NAALADL2: variants seen among roughly 807,000 people sequenced by gnomAD.
The protein encoded by NAALADL2 is inactive N-acetylated-alpha-linked acidic dipeptidase-like protein 2.
A neutral mutation model predicts 87.2 loss-of-function variants in NAALADL2; 76 were observed. The observed-to-expected ratio is 0.87, with a 90% confidence interval of 0.72 to 1.05. NAALADL2 has a LOEUF of 1.05. NAALADL2 is among the 50% of genes least tolerant of loss of function. The probability of loss-of-function intolerance (pLI) is 0.00; values close to 1 mark genes in which losing one functional copy is unlikely to be tolerated. For synonymous variants in NAALADL2, 354 were observed against 331.0 expected, an observed-to-expected ratio of 1.07 and a Z score of -0.75; for missense variants, 1,089 against 945.8, an observed-to-expected ratio of 1.15 and a Z score of -1.99.
chr3:174,901,232 T>G (rs1732261766), intron 1 of NAALADL2, among the ~76,000 whole-genome samples: 1 of 152,192 alleles, frequency 6.6e-6, no homozygotes, highest in African/African-American at 2.4e-5. Context: ...TTTTAACATG[T>G]ATCAAGGAAT....
At chr3:175,164,868 A>T (rs1733761626) in intron 2 of NAALADL2, among the ~76,000 whole-genome samples, 1 of 152,174 alleles carries the variant, frequency 6.6e-6, no homozygotes, top group Non-Finnish European at 1.5e-5. Context: ...TTACTCCCTG[A>T]ACTACAATCA....
At chr3:175,160,360 C>CTTTTTTTTTTTTTTTTTTTTT (rs71164618) in intron 2 of NAALADL2, among the ~76,000 whole-genome samples, 3 of 57,034 alleles carry the variant, frequency 5.3e-5, no homozygotes, top group African/African-American at 5.4e-5. Context: ...TCTTTTCTTT[C>CTTTTTTTTTTTTTTTTTTTTT]TTTTTTTTTT....
chr3:175,286,358 A>C (rs1194948401), intron 4 of NAALADL2, among the ~76,000 whole-genome samples: 1 of 152,166 alleles, frequency 6.6e-6, no homozygotes, highest in Non-Finnish European at 1.5e-5. Context: ...ATGGGCCACG[A>C]TGGGCAGAAA....
At chr3:175,336,523 A>G (rs1324563697) in intron 5 of NAALADL2, among the ~76,000 whole-genome samples, 1 of 152,202 alleles carries the variant, frequency 6.6e-6, no homozygotes, top group African/African-American at 2.4e-5. Flanking sequence ...TAAGATGTGT[A>G]AAAAGTAATA....
intron 1 of NAALADL2, among the ~76,000 whole-genome samples, chr3:174,513,252 C>G (rs562248775): frequency 4.2e-4 from 64 of 152,116 alleles, no homozygotes; most frequent in African/African-American, 1.5e-3. Flanking sequence ...CTGGGTGTGG[C>G]GTGAGCCACC....
At chr3:175,398,352 T>TTG (rs1770097927) in intron 5 of NAALADL2, among the ~76,000 whole-genome samples, 3 of 131,976 alleles carry the variant, frequency 2.3e-5, no homozygotes, top group Admixed American at 2.2e-4. Flanking sequence ...TACTTTTTTT[T>TTG]TTTTTTTTTT....
At position 175,778,426 on chromosome 3, in the gene NAALADL2, C is replaced by G. The variant is rs1371783676; in HGVS notation, c.2189+23008C>G. Among the ~76,000 whole-genome samples, 15 of 152,156 alleles carry G rather than the reference C, an allele frequency of 9.9e-5. 1 individual carries two copies. Among genetic ancestry groups the G allele is most frequent in the Admixed American group, 9.8e-4 (15 of 15,270 alleles). On this transcript the variant is annotated intron_variant, in intron 13 of 13. Coordinates refer to ENST00000454872, the MANE Select transcript of NAALADL2 (RefSeq NM_207015.3). ...CCTAGCAGTGTCCTATAGAAGTGGT[C>G]TCTCCCTTGTTCCGGGAAAGTTCCT...
intron 2 of NAALADL2, among the ~76,000 whole-genome samples, chr3:175,189,497 T>C (rs1289546545): frequency 6.6e-6 from 1 of 152,012 alleles, no homozygotes; most frequent in African/African-American, 2.4e-5. Flanking sequence ...AACAATAAAA[T>C]ACTTAAGAAT....
chr3:175,767,151 G>A (rs1748812161), intron 13 of NAALADL2, among the ~76,000 whole-genome samples: 1 of 152,036 alleles, frequency 6.6e-6, no homozygotes, highest in Non-Finnish European at 1.5e-5. Context: ...CACTACACTT[G>A]AGTGTGCTGC....
chr3:175,468,702 T>C (rs535063908), intron 8 of NAALADL2, among the ~76,000 whole-genome samples: 1 of 152,180 alleles, frequency 6.6e-6, no homozygotes, highest in African/African-American at 2.4e-5. Context: ...AACTATGTTT[T>C]AGAATAGACT....
intron 2 of NAALADL2, among the ~76,000 whole-genome samples, chr3:175,133,723 A>G (rs1489616428): frequency 2.0e-5 from 3 of 152,056 alleles, no homozygotes; most frequent in Non-Finnish European, 4.4e-5. Context: ...AAAGAGAGGG[A>G]GAGGGAGACC....
At chr3:174,575,133 A>T (rs1715381152) in intron 2 of NAALADL2, among the ~76,000 whole-genome samples, 2 of 152,092 alleles carry the variant, frequency 1.3e-5, no homozygotes, top group South Asian at 2.1e-4. Context: ...TAATTTTTTA[A>T]AAAAAATTTA....
chr3:175,687,066 A>G (rs563781284), intron 11 of NAALADL2, among the ~76,000 whole-genome samples: 50 of 152,290 alleles, frequency 3.3e-4, no homozygotes, highest in Middle Eastern at 3.4e-3. Context: ...CCTTCTAGAT[A>G]AATGATTTGC....
rs916617542 is a variant in NAALADL2, at chr3:174,986,423, T to C, written c.44-110367T>C. ...TTGTATATGTTGTTATATTTTGTTA[T>C]GTTTAGTTGCTATAAGGTTTGCAAA... is the stretch of plus-strand genomic sequence containing the variant. On this transcript the variant is annotated intron_variant, in intron 1 of 13. Transcript: ENST00000454872. 4.0e-5 allele frequency among the ~76,000 whole-genome samples: 6 copies of C among 151,662 alleles called. No homozygotes were observed. The South Asian group carries it at 8.3e-4, about 21-fold the overall frequency.
intron 10 of NAALADL2, among the ~76,000 whole-genome samples, chr3:175,593,240 G>C (rs1721782231): frequency 6.6e-6 from 1 of 151,954 alleles, no homozygotes; most frequent in Non-Finnish European, 1.5e-5. Context: ...AATTCTTAAT[G>C]ATACCATAAA....
intron 1 of NAALADL2, among the ~76,000 whole-genome samples, chr3:174,965,968 T>A (rs73881571): frequency 8.1e-4 from 124 of 152,230 alleles, no homozygotes; most frequent in African/African-American, 2.9e-3. Context: ...ATGAATTTGC[T>A]ATGGAAGTTA....
At chr3:175,171,426 A>G (rs926326489) in intron 2 of NAALADL2, among the ~76,000 whole-genome samples, 10 of 152,064 alleles carry the variant, frequency 6.6e-5, no homozygotes, top group African/African-American at 2.2e-4. Flanking sequence ...ACTGCCTTCT[A>G]AACGGAGTTG....
chr3:174,554,093 A>G (rs969278519), intron 2 of NAALADL2, among the ~76,000 whole-genome samples: 1 of 152,030 alleles, frequency 6.6e-6, no homozygotes, highest in Non-Finnish European at 1.5e-5. Flanking sequence ...TTGTCTTTGG[A>G]TAATGCTCAC....
At chr3:175,563,036 C>A (rs1190117763) in intron 9 of NAALADL2, among the ~76,000 whole-genome samples, 1 of 151,546 alleles carries the variant, frequency 6.6e-6, no homozygotes, top group African/African-American at 2.4e-5. Flanking sequence ...GTAATAAGTG[C>A]TTTACACTAG....
Sources: gnomAD v4.1 joint callset for allele counts (sites outside exome capture counted in the v4.1 genomes callset) on GRCh38, gnomAD v4.1.1 for gene constraint, MANE v1.5 for transcripts, NCBI Gene and HGNC (gene_info 2026-07-23, HGNC 2026-07-21) for gene names.